The following MRPS18A variants were observed in gnomAD, a reference collection of about 807,000 sequenced individuals.
MRPS18A encodes large ribosomal subunit protein mL66.
A neutral mutation model predicts 22.7 loss-of-function variants in MRPS18A; 20 were observed. That is an observed-to-expected ratio of 0.88 (90% CI 0.62 to 1.28). The LOEUF (loss-of-function observed/expected upper bound fraction) is 1.28. Ranked by LOEUF, MRPS18A falls within the 50% of genes most tolerant of loss-of-function variation. The pLI, the probability that MRPS18A is intolerant of heterozygous loss-of-function variation, is 0.00. For synonymous variants in MRPS18A, 106 were observed against 99.1 expected, an observed-to-expected ratio of 1.07 and a Z score of -0.41; for missense variants, 294 against 262.6, an observed-to-expected ratio of 1.12 and a Z score of -0.83.
chr6:43,672,354 T>C (rs1488787200), intron 5 of MRPS18A: 2 of 472,286 alleles, frequency 4.2e-6, no homozygotes, highest in Non-Finnish European at 8.8e-6. Context: ...CAGGGTACTA[T>C]AACTGGTATA....
At chr6:43,686,428 C>T (rs73430413) in intron 1 of MRPS18A, among the ~76,000 whole-genome samples, 3 of 152,252 alleles carry the variant, frequency 2.0e-5, no homozygotes, top group African/African-American at 4.8e-5. Context: ...AATATCCAGA[C>T]TTTTTTTTCT....
rs1773881081 is a variant in MRPS18A at position 43,673,641 on chromosome 6, T to A, written c.446+1561A>T. Among the ~76,000 whole-genome samples the A allele has an allele frequency of 6.6e-6, 1 of 152,006 alleles. No individual in the cohort carries two copies. Among genetic ancestry groups the A allele is most frequent in the South Asian group, 2.1e-4 (1 of 4,828 alleles). ...CACCCCAGCTCTAGCAAGAACCAAG[T>A]CTCTTTCCTAAACCAGCCCCTTCCT... On this transcript the variant is annotated intron_variant, in intron 5 of 5. Coordinates refer to ENST00000372133, the MANE Select transcript of MRPS18A (RefSeq NM_018135.4). This position sits in a 1 kb window ranked among gnomAD's most constrained non-coding sequence, Gnocchi z 4.2.
At chr6:43,678,039 TC>T (rs1417825171) in intron 3 of MRPS18A, among the ~76,000 whole-genome samples, 1 of 152,078 alleles carries the variant, frequency 6.6e-6, no homozygotes. Flanking sequence ...CATGATTCCA[TC>T]CCACAAGAGT....
chr6:43,680,334 G>A (rs1774329722), intron 2 of MRPS18A, among the ~76,000 whole-genome samples: 1 of 152,198 alleles, frequency 6.6e-6, no homozygotes, highest in African/African-American at 2.4e-5. Flanking sequence ...CTTGTCCTGG[G>A]AATAAGACTG....
At chr6:43,685,024 A>G (rs1451499838) in intron 1 of MRPS18A, among the ~76,000 whole-genome samples, 3 of 152,162 alleles carry the variant, frequency 2.0e-5, no homozygotes, top group Non-Finnish European at 2.9e-5. Flanking sequence ...AGGAGGGAAC[A>G]ATAAGGGAGG....
At chr6:43,677,695 G>A (rs1238796133) in intron 3 of MRPS18A, among the ~76,000 whole-genome samples, 1 of 152,096 alleles carries the variant, frequency 6.6e-6, no homozygotes, top group African/African-American at 2.4e-5. Context: ...GGGGATCTGA[G>A]GCAAGTTCAC....
intron 5 of MRPS18A, 181 bp from the exon 6 acceptor site, chr6:43,672,087 T>C (rs966464813): frequency 4.1e-6 from 3 of 729,138 alleles, no homozygotes; most frequent in East Asian, 5.5e-5. Flanking sequence ...TGTAAACAGA[T>C]GGGCTGGGCT....
rs1372125852 is a variant in MRPS18A at position 43,673,181 on chromosome 6, T to G, written c.447-1275A>C. Among the ~76,000 whole-genome samples, 1 of 152,056 alleles carries G rather than the reference T, an allele frequency of 6.6e-6. No individual in the cohort carries two copies. The highest frequency in any genetic ancestry group is 1.5e-5 in the Non-Finnish European group (1 of 68,008). On this transcript the variant is annotated intron_variant, in intron 5 of 5. Transcript: ENST00000372133. This position sits in a 1 kb window ranked among gnomAD's most constrained non-coding sequence, Gnocchi z 4.2. ...TTTTGTATTTTTAGTAGAGACGTGG[T>G]TTCCTCATGTTGGCCAGGCTGGTCT...
chr6:43,673,891 C>T lies in MRPS18A; in HGVS notation c.446+1311G>A, dbSNP rs757513216. Among the ~76,000 whole-genome samples the T allele has an allele frequency of 5.3e-5, 8 of 152,280 alleles. No homozygotes were observed. Among genetic ancestry groups the T allele is most frequent in the Admixed American group, 1.3e-4 (2 of 15,292 alleles). ...AATCCTGTGTCACGTTAAAGGATGC[C>T]GGATGTATGGGAGGGCGCCTGGCCT... On this transcript the variant is annotated intron_variant, in intron 5 of 5. Transcript: ENST00000372133. The surrounding 1 kb of genome is among the most constrained non-coding windows in gnomAD (Gnocchi z 4.2).
In MRPS18A at chr6:43,671,797, A is replaced by T; in HGVS notation, c.556T>A (p.Cys186Ser). 1 of 1,614,232 alleles carries T rather than the reference A, an allele frequency of 6.2e-7. No individual in the cohort carries two copies. Among genetic ancestry groups the T allele is most frequent in the Non-Finnish European group, 8.5e-7 (1 of 1,180,040 alleles). Residue 186 changes from cysteine to serine, a missense_variant, in exon 6 of 6, where the codon TGC becomes AGC. Cys to Ser is a moderately radical substitution (Grantham distance 112). Transcript: ENST00000372133. ...AGCTTCCAAGGTGTTCTTGAGTAGC[A>T]GACATTGTCCCTCAGAAGGGGTGAC... is the stretch of plus-strand genomic sequence containing the variant. ...VGSPLLRDNV[C>S]YSRTPWKLYH
Position 43,678,526 on chromosome 6 carries a change from T to G in MRPS18A, c.244A>C (p.Asn82His). ...TCTGTACCCAGACTCACGTCATAGT[T>G]ATACTTGTGCTTCAGGTTCCAACGG... ...ICRWNLKHKY[N>H]YDDVLLLSQF... The change falls in exon 3 of 6, where the codon AAC becomes CAC. Residue 82 changes from asparagine to histidine, a missense_variant. Physicochemically the swap from Asn to His is moderately conservative, Grantham distance 68. Transcript: ENST00000372133. 6.2e-7 allele frequency: 1 copy of G among 1,609,912 alleles called. No homozygotes were observed. The highest frequency in any genetic ancestry group is 8.5e-7 in the Non-Finnish European group (1 of 1,176,328).
Position 43,671,485 on chromosome 6 carries a change from T to A in MRPS18A, c.*277A>T, listed in dbSNP as rs1395119925. On this transcript the variant is annotated 3_prime_UTR_variant, in exon 6 of 6. Coordinates refer to ENST00000372133, the MANE Select transcript of MRPS18A (RefSeq NM_018135.4). Reference sequence around the variant, plus strand: ...CATGAACCCAGTTTATGACACTGCGTTGGGCAAAACTCCTGTCCCCAGCAC... The same window carrying A: ...CATGAACCCAGTTTATGACACTGCGATGGGCAAAACTCCTGTCCCCAGCAC... 2 of 512,510 alleles carry A rather than the reference T, an allele frequency of 3.9e-6. No individual in the cohort carries two copies. Among genetic ancestry groups the A allele is most frequent in the African/African-American group, 1.9e-5 (1 of 51,950 alleles). 31.7% of individuals were successfully genotyped at this position (512,510 alleles called of 1,614,324 possible).
rs1227364469 is a variant in MRPS18A, at chr6:43,673,008, G to A, written c.447-1102C>T. On this transcript the variant is annotated intron_variant, in intron 5 of 5. Coordinates refer to ENST00000372133, the MANE Select transcript of MRPS18A (RefSeq NM_018135.4). This position sits in a 1 kb window ranked among gnomAD's most constrained non-coding sequence, Gnocchi z 4.2. Reference sequence around the variant, plus strand: ...CTGCTTTTTTTTTTTTTTTTTTTGAGGCGAAGTCTTGCTCTGTTGCCCAAG... The same window carrying A: ...CTGCTTTTTTTTTTTTTTTTTTTGAAGCGAAGTCTTGCTCTGTTGCCCAAG... Among the ~76,000 whole-genome samples, 1 of 135,684 alleles carries A rather than the reference G, an allele frequency of 7.4e-6. No individual in the cohort carries two copies. Among genetic ancestry groups the A allele is most frequent in the East Asian group, 2.4e-4 (1 of 4,186 alleles). 89.0% of individuals were successfully genotyped at this position (135,684 alleles called of 152,430 possible). A position where few individuals can be genotyped will look rare whatever the true frequency, so the allele number is the denominator to read the frequency against.
intron 3 of MRPS18A, 76 bp from the exon 4 acceptor site, chr6:43,675,693 C>A: frequency 6.6e-7 from 1 of 1,510,656 alleles, no homozygotes; most frequent in South Asian, 1.3e-5. Context: ...GCTTCATGGT[C>A]TACAGGGGAG....
chr6:43,678,967 C>T (rs1272604863), intron 2 of MRPS18A, among the ~76,000 whole-genome samples: 2 of 152,202 alleles, frequency 1.3e-5, no homozygotes, highest in African/African-American at 2.4e-5. Context: ...GAACACTATA[C>T]TTTTTCCCCT....
At chr6:43,680,168 C>T (rs149540281) in intron 2 of MRPS18A, among the ~76,000 whole-genome samples, 1 of 152,262 alleles carries the variant, frequency 6.6e-6, no homozygotes, top group East Asian at 1.9e-4. Flanking sequence ...TTCTCTCCTC[C>T]AGCATGGAGT....
chr6:43,675,605 G>A lies in MRPS18A; in HGVS notation c.265C>T (p.Leu89Phe), dbSNP rs766526095. Residue 89 changes from leucine (L) to phenylalanine (F), a missense_variant, in exon 4 of 6, where the codon CTT (leucine) becomes TTT (phenylalanine). By Grantham distance (22) the Leu-to-Phe change is conservative. Coordinates refer to ENST00000372133, the MANE Select transcript of MRPS18A (RefSeq NM_018135.4). ...HKYNYDDVLL[L>F]SQFIRPHGGM... ...CCATGAGGCCGGATGAACTGGCTAA[G>A]CAGCAGAACATCCTAGTGGAAACCG... The A allele has an allele frequency of 5.6e-6, 9 of 1,611,892 alleles. No homozygotes were observed. Among genetic ancestry groups the A allele is most frequent in the South Asian group, 4.4e-5 (4 of 91,008 alleles).
Position 43,673,274 on chromosome 6 carries a change from G to T in MRPS18A, c.447-1368C>A, listed in dbSNP as rs1025340986. Among the ~76,000 whole-genome samples, 15 of 152,010 alleles carry T rather than the reference G, an allele frequency of 9.9e-5. No individual in the cohort carries two copies. Among genetic ancestry groups the T allele is most frequent in the African/African-American group, 3.1e-4 (13 of 41,390 alleles). ...AATTGCTGGGATTACAGGTGTGAGG[G>T]GACTGCTTTTTCTATGGTCGGTGGT... On this transcript the variant is annotated intron_variant, in intron 5 of 5. Coordinates refer to ENST00000372133, the MANE Select transcript of MRPS18A (RefSeq NM_018135.4). This position sits in a 1 kb window ranked among gnomAD's most constrained non-coding sequence, Gnocchi z 4.2.
intron 4 of MRPS18A, 96 bp from the exon 5 acceptor site, chr6:43,675,367 GGGT>G: frequency 1.3e-6 from 2 of 1,590,218 alleles, no homozygotes; most frequent in Non-Finnish European, 1.7e-6. Context: ...GGTTGGCATT[GGGT>G]GGTGAGTATA....
Sources: allele counts gnomAD v4.1 joint callset (sites outside exome capture counted in the v4.1 genomes callset), GRCh38; gene constraint gnomAD v4.1.1; non-coding constraint Gnocchi (gnomAD v3.1); transcripts MANE v1.5; gene names NCBI Gene and HGNC (gene_info 2026-07-23, HGNC 2026-07-21).